Variants in NRG3 observed in about 807,000 individuals in gnomAD.
NRG3 encodes neuregulin 3.
A neutral mutation model predicts 66.9 loss-of-function variants in NRG3; 31 were observed. The ratio of observed to expected loss-of-function variants is 0.46; its 90% CI spans 0.35 to 0.63. NRG3 has a LOEUF of 0.63. Ranked by LOEUF, NRG3 falls within the 20% of genes least tolerant of loss-of-function variation. The pLI is 0.00. For missense variants in NRG3, 910 were observed against 878.9 expected (o/e 1.04, Z -0.45); for synonymous variants, 393 against 359.4 (o/e 1.09, Z -1.06).
intron 1 of NRG3, among the ~76,000 whole-genome samples, chr10:82,197,206 A>G (rs1026743543): frequency 5.9e-5 from 9 of 152,196 alleles, no homozygotes; most frequent in African/African-American, 1.9e-4. Context: ...AGAATTTCAC[A>G]TAGCACCAGG....
At chr10:82,113,790 A>G (rs755754819) in intron 1 of NRG3, among the ~76,000 whole-genome samples, 2 of 152,182 alleles carry the variant, frequency 1.3e-5, no homozygotes, top group Non-Finnish European at 2.9e-5. Flanking sequence ...TCTGCAGTAT[A>G]TTTGCAACTT....
rs542298668 is a variant in NRG3, at chr10:81,959,419, C to T, written c.823+83256C>T. ...AAAGCACCCTATACCAATTAACACT[C>T]TCATATACATTTATATGTGTGCTCA... is the stretch of plus-strand genomic sequence containing the variant. On this transcript the variant is annotated intron_variant, in intron 1 of 8. Transcript: ENST00000372141. Among the ~76,000 whole-genome samples, 15 of 152,206 alleles carry T rather than the reference C, an allele frequency of 9.9e-5. No homozygotes were observed. The South Asian group carries it at 3.1e-3, about 32-fold the overall frequency.
intron 1 of NRG3, among the ~76,000 whole-genome samples, chr10:82,256,961 G>T (rs1246973896): frequency 6.6e-6 from 1 of 152,166 alleles, no homozygotes; most frequent in East Asian, 1.9e-4. Context: ...ATGGTCCGTG[G>T]AATTGCTATT....
intron 2 of NRG3, among the ~76,000 whole-genome samples, chr10:82,459,074 G>T (rs1366471560): frequency 1.3e-5 from 2 of 152,106 alleles, no homozygotes; most frequent in African/African-American, 4.8e-5. Context: ...CTACCAAATA[G>T]GCCTTCTTGT....
intron 1 of NRG3, among the ~76,000 whole-genome samples, chr10:81,989,957 C>A (rs572235074): frequency 6.6e-6 from 1 of 152,130 alleles, no homozygotes; most frequent in African/African-American, 2.4e-5. Context: ...TAGGAGAAGG[C>A]TAATTGTTCA....
chr10:82,890,012 C>G (rs996247820), intron 4 of NRG3, among the ~76,000 whole-genome samples: 6 of 152,120 alleles, frequency 3.9e-5, no homozygotes, highest in Admixed American at 1.3e-4. Flanking sequence ...AGACTGGTGA[C>G]AGCAAGCCAA....
At chr10:82,331,567 T>G (rs2082135605) in intron 1 of NRG3, among the ~76,000 whole-genome samples, 1 of 152,184 alleles carries the variant, frequency 6.6e-6, no homozygotes, top group Admixed American at 6.5e-5. Flanking sequence ...GCAGTTCATG[T>G]TATCATATCT....
At chr10:81,953,713 T>G (rs1224064385) in intron 1 of NRG3, among the ~76,000 whole-genome samples, 1 of 152,200 alleles carries the variant, frequency 6.6e-6, no homozygotes, top group African/African-American at 2.4e-5. Context: ...GCTCTAGTGG[T>G]CATCAGGATC....
chr10:82,667,962 T>C (rs2052935031), intron 2 of NRG3, among the ~76,000 whole-genome samples: 1 of 152,186 alleles, frequency 6.6e-6, no homozygotes, highest in Non-Finnish European at 1.5e-5. Flanking sequence ...TAGAAATATA[T>C]CAGTGAAAAT....
intron 1 of NRG3, among the ~76,000 whole-genome samples, chr10:81,994,433 G>A (rs900923218): frequency 2.0e-5 from 3 of 151,950 alleles, no homozygotes; most frequent in African/African-American, 4.8e-5. Context: ...AGCATTTACC[G>A]TATTTAACAA....
chr10:82,657,884 AAGT>A (rs2052001184), intron 2 of NRG3, among the ~76,000 whole-genome samples: 1 of 143,842 alleles, frequency 7.0e-6, no homozygotes, highest in African/African-American at 2.6e-5. Flanking sequence ...ATATGGTGTT[AAGT>A]AGCTTACACA....
chr10:82,564,398 G>T (rs370321427), intron 2 of NRG3, among the ~76,000 whole-genome samples: 1 of 152,006 alleles, frequency 6.6e-6, no homozygotes, highest in East Asian at 1.9e-4. Flanking sequence ...ATTCTGCTTC[G>T]AATGGACATT....
chr10:82,425,540 A>G (rs553819500), intron 2 of NRG3, among the ~76,000 whole-genome samples: 2 of 152,108 alleles, frequency 1.3e-5, no homozygotes, highest in African/African-American at 2.4e-5. Context: ...TAATTCCAAA[A>G]TGTGTATTAT....
At chr10:82,276,037 G>A (rs753404966) in intron 1 of NRG3, among the ~76,000 whole-genome samples, 9 of 151,970 alleles carry the variant, frequency 5.9e-5, no homozygotes, top group Non-Finnish European at 1.0e-4. Flanking sequence ...CATACATACT[G>A]TGCATAGGAC....
chr10:82,512,801 A>G (rs1845313172), intron 2 of NRG3, among the ~76,000 whole-genome samples: 2 of 152,170 alleles, frequency 1.3e-5, no homozygotes, highest in African/African-American at 4.8e-5. Context: ...TTTGACTCCT[A>G]TATAAATGAA....
At chr10:82,762,110 G>T (rs1276571879) in intron 3 of NRG3, among the ~76,000 whole-genome samples, 1 of 149,182 alleles carries the variant, frequency 6.7e-6, no homozygotes, top group Non-Finnish European at 1.5e-5. Context: ...TGGGAGTGCA[G>T]TGGTGCAATC....
chr10:82,090,599 A>C (rs980151104), intron 1 of NRG3, among the ~76,000 whole-genome samples: 1 of 152,184 alleles, frequency 6.6e-6, no homozygotes, highest in African/African-American at 2.4e-5. Flanking sequence ...AAGTATTTAC[A>C]GCATGATGCT....
intron 1 of NRG3, among the ~76,000 whole-genome samples, chr10:82,167,065 G>A (rs1243169322): frequency 2.0e-5 from 3 of 151,818 alleles, no homozygotes; most frequent in Admixed American, 6.6e-5. Flanking sequence ...ATTTGATTAT[G>A]ATGCACCTTT....
In NRG3 at chr10:82,044,936, T is replaced by C. The variant is rs190712108; in HGVS notation, c.823+168773T>C. The stretch of plus-strand genomic sequence containing the variant: ...GCTGCATAATATTCCATGGTGTACA[T>C]GTGCCACATTTTCTTAATCAAGTCT... On this transcript the variant is annotated intron_variant, in intron 1 of 8. Transcript: ENST00000372141. 2.8e-3 allele frequency among the ~76,000 whole-genome samples: 429 copies of C among 152,056 alleles called. 3 individuals are homozygous for C. Among genetic ancestry groups the C allele is most frequent in the African/African-American group, 9.8e-3 (406 of 41,512 alleles).
Sources: gnomAD v4.1 joint callset for allele counts (sites outside exome capture counted in the v4.1 genomes callset) on GRCh38, gnomAD v4.1.1 for gene constraint, MANE v1.5 for transcripts, NCBI Gene and HGNC (gene_info 2026-07-23, HGNC 2026-07-21) for gene names.